Variants in CNTNAP2 observed in about 807,000 individuals in gnomAD.
The protein encoded by CNTNAP2 is contactin associated protein 2.
CNTNAP2 carries 98 observed loss-of-function variants against 155.2 expected under a neutral mutation model. The observed-to-expected ratio is 0.63, with a 90% CI of 0.54 to 0.75. The LOEUF (loss-of-function observed/expected upper bound fraction) is 0.75. Ranked by LOEUF, CNTNAP2 falls within the 30% of genes least tolerant of loss-of-function variation. The pLI, the probability that CNTNAP2 is intolerant of heterozygous loss-of-function variation, is 0.00. For missense variants in CNTNAP2, 1,727 were observed against 1,688.1 expected (o/e 1.02, Z -0.40); for synonymous variants, 651 against 631.2 (o/e 1.03, Z -0.47).
intron 13 of CNTNAP2, among the ~76,000 whole-genome samples, chr7:147,847,715 CA>C (rs1189616215): frequency 1.9e-4 from 7 of 37,716 alleles, no homozygotes; most frequent in African/African-American, 8.4e-4. Context: ...GTTTTTTCCC[CA>C]TCTTTGTGGT....
At chr7:147,157,883 A>G (rs1801956395) in intron 8 of CNTNAP2, among the ~76,000 whole-genome samples, 1 of 152,136 alleles carries the variant, frequency 6.6e-6, no homozygotes, top group Non-Finnish European at 1.5e-5. Flanking sequence ...TCAAAGGTTT[A>G]TATTCTTATT....
chr7:147,089,000 T>C (rs934890102), intron 4 of CNTNAP2, among the ~76,000 whole-genome samples: 2 of 145,820 alleles, frequency 1.4e-5, no homozygotes, highest in Admixed American at 1.4e-4. Flanking sequence ...GACAGAGAGA[T>C]AGAGAGAGAA....
intron 21 of CNTNAP2, among the ~76,000 whole-genome samples, chr7:148,297,141 A>G (rs1797299133): frequency 7.5e-6 from 1 of 132,504 alleles, no homozygotes; most frequent in Middle Eastern, 3.8e-3. Flanking sequence ...TAGGGGAAGA[A>G]AAAAAAAGAG....
At chr7:148,194,928 A>G (rs949188341) in intron 18 of CNTNAP2, among the ~76,000 whole-genome samples, 1 of 152,160 alleles carries the variant, frequency 6.6e-6, no homozygotes, top group African/African-American at 2.4e-5. Context: ...ATGTTTTACC[A>G]GTTATCTGGG....
intron 1 of CNTNAP2, among the ~76,000 whole-genome samples, chr7:146,683,870 G>T (rs1228669968): frequency 1.3e-5 from 2 of 152,188 alleles, no homozygotes; most frequent in Non-Finnish European, 2.9e-5. Context: ...TGCCCTGTGG[G>T]TGTGTAGAAC....
intron 15 of CNTNAP2, among the ~76,000 whole-genome samples, chr7:148,039,631 A>C (rs17170802): frequency 0.015 from 2,239 of 152,290 alleles, 40 homozygotes; most frequent in East Asian, 0.084. Context: ...TCCATCGCAT[A>C]CTTTGCACCA....
chr7:147,225,474 C>T (rs757798042), intron 8 of CNTNAP2, among the ~76,000 whole-genome samples: 10 of 152,044 alleles, frequency 6.6e-5, no homozygotes, highest in Non-Finnish European at 1.5e-4. Flanking sequence ...TAATATGACT[C>T]TTGTTTTTAA....
intron 10 of CNTNAP2, among the ~76,000 whole-genome samples, chr7:147,419,428 G>C (rs1329357256): frequency 6.6e-6 from 1 of 152,042 alleles, no homozygotes; most frequent in South Asian, 2.1e-4. Flanking sequence ...TTATGTTCTT[G>C]ATATTTATTT....
intron 3 of CNTNAP2, among the ~76,000 whole-genome samples, chr7:146,854,875 A>G (rs1443223521): frequency 6.6e-6 from 1 of 152,062 alleles, no homozygotes; most frequent in Non-Finnish European, 1.5e-5. Context: ...TGTTAGTATT[A>G]TTTTTGTTGT....
chr7:146,593,143 A>T (rs975529055), intron 1 of CNTNAP2, among the ~76,000 whole-genome samples: 14 of 151,126 alleles, frequency 9.3e-5, no homozygotes. Flanking sequence ...TACCCTGTTT[A>T]CTATGTTTAT....
chr7:147,119,763 GGAAA>G (rs957698773), intron 5 of CNTNAP2, among the ~76,000 whole-genome samples: 8 of 151,542 alleles, frequency 5.3e-5, no homozygotes, highest in East Asian at 1.9e-4. Context: ...GAAAGGGAGA[GGAAA>G]GAAAGAAAGA....
intron 3 of CNTNAP2, among the ~76,000 whole-genome samples, chr7:146,899,840 C>A (rs1015287273): frequency 1.1e-4 from 17 of 152,152 alleles, no homozygotes; most frequent in African/African-American, 4.1e-4. Context: ...TAGCAAACTG[C>A]TCTATGTGAC....
chr7:147,418,940 T>A (rs1429547226), intron 10 of CNTNAP2, among the ~76,000 whole-genome samples: 1 of 152,164 alleles, frequency 6.6e-6, no homozygotes, highest in South Asian at 2.1e-4. Flanking sequence ...CTGTGTCTGA[T>A]AAAGAATGAA....
At chr7:147,223,187 C>T (rs1803444016) in intron 8 of CNTNAP2, among the ~76,000 whole-genome samples, 1 of 152,178 alleles carries the variant, frequency 6.6e-6, no homozygotes, top group South Asian at 2.1e-4. Flanking sequence ...TTGTCAATTA[C>T]AGTTCAAGTT....
chr7:147,430,639 T>G (rs149898647), intron 10 of CNTNAP2, among the ~76,000 whole-genome samples: 18 of 152,236 alleles, frequency 1.2e-4, no homozygotes, highest in East Asian at 1.2e-3. Flanking sequence ...GAGATCATAG[T>G]CTAGTGCAGC....
intron 14 of CNTNAP2, among the ~76,000 whole-genome samples, chr7:147,909,949 G>A (rs546855880): frequency 1.3e-5 from 2 of 152,262 alleles, no homozygotes; most frequent in South Asian, 4.1e-4. Context: ...AATACTAGCC[G>A]TTGTGCTCTC....
chr7:147,793,528 T>A (rs1012269935), intron 13 of CNTNAP2, among the ~76,000 whole-genome samples: 1 of 152,124 alleles, frequency 6.6e-6, no homozygotes, highest in Admixed American at 6.5e-5. Context: ...AATTGATCTA[T>A]ATATCTATTT....
In CNTNAP2 at chr7:146,938,458, T is replaced by C. The variant is rs148308284; in HGVS notation, c.402+98554T>C. On this transcript the variant is annotated intron_variant, in intron 3 of 23. Transcript: ENST00000361727. ...ACATGTGTGTATACATATGTACACA[T>C]ATATATGTATATATAATATATAAAA... 2.8e-3 allele frequency among the ~76,000 whole-genome samples: 416 copies of C among 148,036 alleles called. 3 individuals are homozygous for C. Among genetic ancestry groups the C allele is most frequent in the Middle Eastern group, 0.018 (5 of 280 alleles).
Position 147,527,015 on chromosome 7 carries a change from C to CTTTTTTT in CNTNAP2, c.1778-35102_1778-35096dup, listed in dbSNP as rs888976222. On this transcript the variant is annotated intron_variant, in intron 11 of 23. Coordinates refer to ENST00000361727, the MANE Select transcript of CNTNAP2 (RefSeq NM_014141.6). ...CATGAATTATGGAAGACAGGCATTTCTTTTTTTTTTTTTTTTTTTTTTTTT... is the reference window on the plus strand; with the variant it reads ...CATGAATTATGGAAGACAGGCATTTCTTTTTTTTTTTTTTTTTTTTTTTTTTTTTTTT... Among the ~76,000 whole-genome samples the CTTTTTTT allele has an allele frequency of 4.9e-4, 32 of 65,166 alleles. 2 individuals are homozygous for CTTTTTTT. The highest frequency in any genetic ancestry group is 2.0e-3 in the African/African-American group (25 of 12,768). 42.8% of individuals were successfully genotyped at this position (65,166 alleles called of 152,430 possible). A position where few individuals can be genotyped will look rare whatever the true frequency, so the allele number is the denominator to read the frequency against.
Sources: allele counts gnomAD v4.1 joint callset (sites outside exome capture counted in the v4.1 genomes callset), GRCh38; gene constraint gnomAD v4.1.1; transcripts MANE v1.5; gene names NCBI Gene and HGNC (gene_info 2026-07-23, HGNC 2026-07-21).